The following SAMMSON variants were observed in gnomAD, a reference collection of about 807,000 sequenced individuals.
SAMMSON encodes the protein long intergenic non-protein coding RNA 1212.
At chr3:70,299,927 A>G (rs1702330787) in intron 7 of SAMMSON, among the ~76,000 whole-genome samples, 1 of 151,960 alleles carries the variant, frequency 6.6e-6, no homozygotes, top group African/African-American at 2.4e-5. Context: ...ACTCCCACAC[A>G]CGCCCTTTCT....
intron 3 of SAMMSON, among the ~76,000 whole-genome samples, chr3:70,056,920 G>A (rs111312737): frequency 6.6e-6 from 1 of 151,878 alleles, no homozygotes; most frequent in Admixed American, 6.6e-5. Context: ...AAATGAACTA[G>A]TTTAAAAATA....
chr3:70,314,866 T>C (rs999743055), intron 7 of SAMMSON, among the ~76,000 whole-genome samples: 2 of 152,140 alleles, frequency 1.3e-5, no homozygotes, highest in African/African-American at 4.8e-5. Context: ...TTTGAAGGCT[T>C]TCTAAGGTTC....
intron 2 of SAMMSON, among the ~76,000 whole-genome samples, chr3:70,412,878 TTC>T (rs1701230833): frequency 6.6e-6 from 1 of 152,148 alleles, no homozygotes; most frequent in Admixed American, 6.5e-5. Flanking sequence ...ATTATTCTAA[TTC>T]TCAGCTTGAC....
intron 7 of SAMMSON, among the ~76,000 whole-genome samples, chr3:70,327,592 G>A (rs544874884): frequency 3.3e-5 from 5 of 152,262 alleles, no homozygotes; most frequent in African/African-American, 1.2e-4. Context: ...TCCAAGTGAG[G>A]AAACTTCAGA....
At chr3:70,029,519 T>C (rs1410131430) in intron 3 of SAMMSON, among the ~76,000 whole-genome samples, 1 of 152,034 alleles carries the variant, frequency 6.6e-6, no homozygotes, top group African/African-American at 2.4e-5. Context: ...TTTGGGAGGC[T>C]GAGGTGGGCA....
chr3:70,137,940 T>C (rs2106678694), intron 4 of SAMMSON, among the ~76,000 whole-genome samples: 1 of 152,270 alleles, frequency 6.6e-6, no homozygotes, highest in South Asian at 2.1e-4. Context: ...AGTTTTTAAG[T>C]ATATAGCTTG....
At chr3:70,029,821 G>C (rs1436429387) in intron 3 of SAMMSON, among the ~76,000 whole-genome samples, 1 of 151,672 alleles carries the variant, frequency 6.6e-6, no homozygotes, top group Non-Finnish European at 1.5e-5. Flanking sequence ...GTCCTTTGGG[G>C]TATAATTTTA....
chr3:70,117,978 C>T (rs1353952023), intron 4 of SAMMSON, among the ~76,000 whole-genome samples: 1 of 152,042 alleles, frequency 6.6e-6, no homozygotes, highest in Non-Finnish European at 1.5e-5. Flanking sequence ...AGTGCAGTGG[C>T]GCCATCTCGG....
chr3:70,230,793 G>A (rs1003283470), intron 4 of SAMMSON, among the ~76,000 whole-genome samples: 1 of 152,162 alleles, frequency 6.6e-6, no homozygotes, highest in African/African-American at 2.4e-5. Flanking sequence ...GTGAGACCAA[G>A]GTCCAAATAC....
At chr3:70,090,517 C>A (rs991956584) in intron 4 of SAMMSON, among the ~76,000 whole-genome samples, 1 of 152,184 alleles carries the variant, frequency 6.6e-6, no homozygotes, top group Admixed American at 6.5e-5. Flanking sequence ...CCAGTATAAC[C>A]TCTAGGAGGA....
intron 3 of SAMMSON, among the ~76,000 whole-genome samples, chr3:70,044,854 A>G (rs2067118217): frequency 6.8e-6 from 1 of 147,320 alleles, no homozygotes; most frequent in South Asian, 2.1e-4. Context: ...AATGTTTTAT[A>G]TAATTTTAAT....
At chr3:70,349,266 C>G in intron 7 of SAMMSON, among the ~76,000 whole-genome samples, 2 of 152,058 alleles carry the variant, frequency 1.3e-5, no homozygotes, top group Middle Eastern at 6.8e-3. Context: ...CCCAGCTACT[C>G]GGGAGGCTGG....
chr3:70,172,057 C>A (rs888242965), intron 4 of SAMMSON, among the ~76,000 whole-genome samples: 4 of 152,022 alleles, frequency 2.6e-5, no homozygotes, highest in Admixed American at 6.6e-5. Flanking sequence ...TGCTAAACAA[C>A]AATGATTTAA....
intron 3 of SAMMSON, among the ~76,000 whole-genome samples, chr3:70,049,669 A>G (rs930567277): frequency 6.6e-6 from 1 of 152,132 alleles, no homozygotes; most frequent in Non-Finnish European, 1.5e-5. Flanking sequence ...CACCATCATC[A>G]TCATCATTAT....
intron 7 of SAMMSON, among the ~76,000 whole-genome samples, chr3:70,327,015 C>T (rs1702584975): frequency 6.6e-6 from 1 of 152,138 alleles, no homozygotes; most frequent in Non-Finnish European, 1.5e-5. Flanking sequence ...TGTGCCACCA[C>T]ACCTGGCTAA....
At position 70,303,420 on chromosome 3, in the gene SAMMSON, C is replaced by T. The variant is rs374200888; in HGVS notation, n.739+12177C>T. On this transcript the variant is annotated intron_variant and non_coding_transcript_variant, in intron 7 of 9. Coordinates refer to ENST00000642114, the Ensembl canonical transcript of SAMMSON. ...GAGAATAGGAGGAAAAAAAATTATG[C>T]GGAGCTAATTAATTCCAGAAGTGGC... Among the ~76,000 whole-genome samples the T allele has an allele frequency of 2.0e-3, 298 of 152,186 alleles. 2 individuals are homozygous for T. The highest frequency in any genetic ancestry group is 6.8e-3 in the African/African-American group (283 of 41,532).
At chr3:70,325,708 A>G (rs1377036202) in intron 7 of SAMMSON, among the ~76,000 whole-genome samples, 1 of 152,154 alleles carries the variant, frequency 6.6e-6, no homozygotes, top group African/African-American at 2.4e-5. Context: ...CACCTGCATA[A>G]CATCAACCTT....
chr3:70,108,153 A>T (rs747265051), intron 4 of SAMMSON, among the ~76,000 whole-genome samples: 5 of 152,084 alleles, frequency 3.3e-5, no homozygotes, highest in Admixed American at 6.6e-5. Context: ...TTTCTTGAAA[A>T]GCTCTTTCTC....
chr3:70,236,186 C>T (rs937779348), intron 4 of SAMMSON, among the ~76,000 whole-genome samples: 8 of 152,060 alleles, frequency 5.3e-5, no homozygotes, highest in Non-Finnish European at 1.0e-4. Flanking sequence ...CTGCTAAATC[C>T]AAACTAAAAT....
Sources: allele counts gnomAD v4.1 joint callset (sites outside exome capture counted in the v4.1 genomes callset), GRCh38; gene constraint gnomAD v4.1.1; transcripts MANE v1.5; gene names NCBI Gene and HGNC (gene_info 2026-07-23, HGNC 2026-07-21).